KNTC1: variants seen among roughly 807,000 people sequenced by gnomAD.
KNTC1 encodes the protein kinetochore-associated protein 1.
A neutral mutation model predicts 314.4 loss-of-function variants in KNTC1; 253 were observed. That is an observed-to-expected ratio of 0.80 (90% CI 0.73 to 0.89). The LOEUF is 0.89. Ranked by LOEUF, KNTC1 falls within the 40% of genes least tolerant of loss-of-function variation. The pLI is 0.00. For missense variants in KNTC1, 2,475 were observed against 2,572.9 expected, an observed-to-expected ratio of 0.96 and a Z score of 0.82; for synonymous variants, 901 against 901.4, an observed-to-expected ratio of 1.00 and a Z score of 0.01.
At position 122,621,898 on chromosome 12, in the gene KNTC1, T is replaced by C. The variant is rs1461638071; in HGVS notation, c.6297T>C (p.Cys2099=). ...HQQIKNFLGS[C]DPQVILKQLE... The stretch of plus-strand genomic sequence containing the variant: ...TTCTCTAGAATTTTCTGGGTTCCTG[T>C]GACCCTCAGGTTATTTTAAAGCAAT... Residue 2099 remains cysteine (C), a synonymous_variant, in exon 61 of 64, where the codon TGT becomes TGC. Coordinates refer to ENST00000333479, the MANE Select transcript of KNTC1 (RefSeq NM_014708.6). 1.2e-6 allele frequency: 2 copies of C among 1,602,158 alleles called. No homozygotes were observed. Among genetic ancestry groups the C allele is most frequent in the Admixed American group, 1.7e-5 (1 of 58,088 alleles).
chr12:122,540,807 G>A (rs1962247260), intron 5 of KNTC1, among the ~76,000 whole-genome samples: 1 of 152,016 alleles, frequency 6.6e-6, no homozygotes, highest in Non-Finnish European at 1.5e-5. Flanking sequence ...CAATGTTTTT[G>A]CAAATAACCT....
At chr12:122,616,786 A>T (rs1437463414) in intron 57 of KNTC1, among the ~76,000 whole-genome samples, 1 of 152,332 alleles carries the variant, frequency 6.6e-6, no homozygotes, top group East Asian at 1.9e-4. Context: ...ACAATGAAGT[A>T]GTTTTTGGTA....
At position 122,615,000 on chromosome 12, in the gene KNTC1, T is replaced by C; in HGVS notation, c.5887T>C (p.Leu1963=). Residue 1963 remains leucine, a synonymous_variant, in exon 56 of 64, where the codon TTG becomes CTG. Coordinates refer to ENST00000333479, the MANE Select transcript of KNTC1 (RefSeq NM_014708.6). ...CTTTTTTTGGCTTCAGGCAGTAAGATTGGTGACTGAGCTGTGTTTAGAATA... is the reference window on the plus strand; with the variant it reads ...CTTTTTTTGGCTTCAGGCAGTAAGACTGGTGACTGAGCTGTGTTTAGAATA... ...NHSHESMAVR[L]VTELCLEYKI... is the part of the protein sequence containing the mutation. 2 of 1,612,736 alleles carry C rather than the reference T, an allele frequency of 1.2e-6. No individual in the cohort carries two copies. The highest frequency in any genetic ancestry group is 1.3e-5 in the African/African-American group (1 of 75,022).
chr12:122,563,733 C>A, intron 20 of KNTC1: 1 of 1,373,964 alleles, frequency 7.3e-7, no homozygotes, highest in South Asian at 2.0e-5. Context: ...GTGAAAATGT[C>A]ACCTCTTTAG....
chr12:122,536,953 A>T (rs1961885762), intron 3 of KNTC1, among the ~76,000 whole-genome samples: 1 of 152,246 alleles, frequency 6.6e-6, no homozygotes, highest in Non-Finnish European at 1.5e-5. Flanking sequence ...CTTGTGTTTT[A>T]TGGAACCTTG....
chr12:122,574,168 T>G (rs1964877195), intron 26 of KNTC1, 114 bp from the exon 27 acceptor site: 1 of 594,476 alleles, frequency 1.7e-6, no homozygotes, highest in African/African-American at 1.9e-5. Flanking sequence ...TTTAGGTTTT[T>G]TTTCTTTTAA....
At chr12:122,542,157 A>T in intron 6 of KNTC1, 30 bp downstream of exon 6, 1 of 1,330,550 alleles carries the variant, frequency 7.5e-7, no homozygotes, top group Admixed American at 2.5e-5. Context: ...TTTATTATTG[A>T]TTTGCAGCAA....
At position 122,602,671 on chromosome 12, in the gene KNTC1, G is replaced by C. The variant is rs543461396; in HGVS notation, c.4756G>C (p.Ala1586Pro). 2.0e-5 allele frequency: 32 copies of C among 1,613,872 alleles called. 1 individual carries two copies. The South Asian group carries it at 3.3e-4, about 17-fold the overall frequency. ...MLEHVITLPS[A>P]AQTRLPFHLI... The stretch of plus-strand genomic sequence containing the variant: ...GGAACATGTCATAACTTTGCCATCA[G>C]CTGCCCAAACTAGACTGCCTTTTCA... The change falls in exon 46 of 64, where the codon GCT becomes CCT. Residue 1586 changes from alanine (A) to proline (P), a missense_variant. Ala to Pro is a conservative substitution (Grantham distance 27). Transcript: ENST00000333479.
At chr12:122,527,912 A>G (rs544447100) in intron 1 of KNTC1, among the ~76,000 whole-genome samples, 2 of 152,266 alleles carry the variant, frequency 1.3e-5, no homozygotes, top group South Asian at 2.1e-4. Flanking sequence ...CACCTTATCC[A>G]TTTAATCACT....
intron 48 of KNTC1, among the ~76,000 whole-genome samples, chr12:122,603,889 G>A (rs1872276712): frequency 6.6e-6 from 1 of 152,186 alleles, no homozygotes; most frequent in Non-Finnish European, 1.5e-5. Context: ...TGTAACAAAA[G>A]TTGAAAGTGA....
At chr12:122,551,927 A>C (rs1051275558) in intron 16 of KNTC1, among the ~76,000 whole-genome samples, 4 of 150,854 alleles carry the variant, frequency 2.7e-5, no homozygotes, top group Non-Finnish European at 5.9e-5. Context: ...TTTTTTCTTG[A>C]GATGGAGTCT....
chr12:122,600,556 CTGTTCCA>C (rs1871726030), intron 44 of KNTC1, among the ~76,000 whole-genome samples: 1 of 152,184 alleles, frequency 6.6e-6, no homozygotes, highest in Non-Finnish European at 1.5e-5. Flanking sequence ...CAGTTTCTTT[CTGTTCCA>C]ATTTTCCCAT....
chr12:122,571,165 A>G, intron 24 of KNTC1, 39 bp downstream of exon 24: 2 of 1,432,124 alleles, frequency 1.4e-6, no homozygotes, highest in Non-Finnish European at 2.0e-6. Context: ...TGAAACAGTC[A>G]GTTTACCTGA....
At position 122,530,007 on chromosome 12, in the gene KNTC1, T is replaced by C. The variant is rs1961173399; in HGVS notation, c.-57T>C. 2 of 1,585,122 alleles carry C rather than the reference T, an allele frequency of 1.3e-6. No homozygotes were observed. The highest frequency in any genetic ancestry group is 1.7e-6 in the Non-Finnish European group (2 of 1,164,148). ...TGCAACAAGATAATATGGTGTCTAA[T>C]TTTATGTTGTTCAGGAAAGACAGTG... On this transcript the variant is annotated 5_prime_UTR_variant, in exon 2 of 64. Transcript: ENST00000333479.
chr12:122,567,460 A>G (rs1964422205), intron 20 of KNTC1, among the ~76,000 whole-genome samples: 1 of 152,180 alleles, frequency 6.6e-6, no homozygotes, highest in Non-Finnish European at 1.5e-5. Context: ...CCAGGTATAT[A>G]ATTTTATATT....
In KNTC1 at chr12:122,576,912, T is replaced by G. The variant is rs530141366; in HGVS notation, c.2604T>G (p.Ile868Met). 2.6e-5 allele frequency: 41 copies of G among 1,588,802 alleles called. No homozygotes were observed. The South Asian group carries it at 4.4e-4, about 17-fold the overall frequency. The change falls in exon 30 of 64, where the codon ATT becomes ATG. Residue 868 changes from isoleucine to methionine, a missense_variant. Physicochemically the swap from Ile to Met is conservative, Grantham distance 10 (BLOSUM62 1). Coordinates refer to ENST00000333479, the MANE Select transcript of KNTC1 (RefSeq NM_014708.6). ...NKEIMRVVRY[I>M]LKQDVPSSLE... ...TTTTGCAGAGAGTGGTTAGATACAT[T>G]CTCAAACAAGATGTCCCATCTTCTT...
intron 12 of KNTC1, among the ~76,000 whole-genome samples, chr12:122,549,464 C>G (rs564727155): frequency 6.6e-6 from 1 of 152,164 alleles, no homozygotes; most frequent in African/African-American, 2.4e-5. Flanking sequence ...ATTCTTCTGC[C>G]TCAGCCTCCC....
At chr12:122,606,075 C>T (rs572733179) in intron 51 of KNTC1, among the ~76,000 whole-genome samples, 4 of 151,262 alleles carry the variant, frequency 2.6e-5, no homozygotes, top group South Asian at 2.1e-4. Context: ...GTTGGCTAGG[C>T]GGGTCTCAAA....
chr12:122,575,778 A>T (rs747635712), intron 28 of KNTC1, 22 bp from the exon 29 acceptor site: 1 of 1,593,906 alleles, frequency 6.3e-7, no homozygotes, highest in East Asian at 2.2e-5. Flanking sequence ...ATCCATGTTA[A>T]TATGGGTAAA....
Sources: gnomAD v4.1 joint callset for allele counts (sites outside exome capture counted in the v4.1 genomes callset) on GRCh38, gnomAD v4.1.1 for gene constraint, MANE v1.5 for transcripts, NCBI Gene and HGNC (gene_info 2026-07-23, HGNC 2026-07-21) for gene names.